Variants in ARHGAP28 observed in about 807,000 individuals in gnomAD.
ARHGAP28 encodes rho GTPase-activating protein 28.
ARHGAP28 carries 56 observed loss-of-function variants against 90.7 expected under a neutral mutation model. The ratio of observed to expected loss-of-function variants is 0.62; its 90% confidence interval spans 0.50 to 0.77. The LOEUF is 0.77. Among genes scored for constraint, ARHGAP28 ranks in the 30% least tolerant of loss-of-function variants. The pLI, the probability that ARHGAP28 is intolerant of heterozygous loss-of-function variation, is 0.00. For missense variants in ARHGAP28, 869 were observed against 900.9 expected, an observed-to-expected ratio of 0.96 and a Z score of 0.45; for synonymous variants, 308 against 323.3, an observed-to-expected ratio of 0.95 and a Z score of 0.51.
rs2055861263 is a variant in ARHGAP28 at position 6,729,930 on chromosome 18, C to CACCCGCTCAGCAGGT, written c.115_122+7dup. 1 of 1,391,116 alleles carries CACCCGCTCAGCAGGT rather than the reference C, an allele frequency of 7.2e-7. No individual in the cohort carries two copies. The highest frequency in any genetic ancestry group is 1.6e-5 in the South Asian group (1 of 62,040). The allele number at this position is 1,391,116 out of a possible 1,614,324, so 86.2% of individuals were successfully genotyped here. A position where few individuals can be genotyped will look rare whatever the true frequency, so the allele number is the denominator to read the frequency against. Reference sequence around the variant, plus strand: ...CTGCGCGCCCCGCGCCGCAGCCAGCCACCCGCTCAGCAGGTACCCGGAGCC... The same window carrying CACCCGCTCAGCAGGT: ...CTGCGCGCCCCGCGCCGCAGCCAGCCACCCGCTCAGCAGGTACCCGCTCAGCAGGTACCCGGAGCC... On this transcript the variant is annotated inframe_insertion, in exon 1 of 18. Transcript: ENST00000383472.
At chr18:6,851,812 A>C (rs961174063) in intron 4 of ARHGAP28, among the ~76,000 whole-genome samples, 2 of 152,168 alleles carry the variant, frequency 1.3e-5, no homozygotes, top group African/African-American at 4.8e-5. Flanking sequence ...TATTTGATTC[A>C]CACAAAATGA....
intron 16 of ARHGAP28, among the ~76,000 whole-genome samples, chr18:6,902,427 G>A (rs538700446): frequency 1.3e-5 from 2 of 152,080 alleles, no homozygotes; most frequent in East Asian, 3.9e-4. Flanking sequence ...TTGTTTCTAG[G>A]ATCCTACCAG....
intron 10 of ARHGAP28, among the ~76,000 whole-genome samples, chr18:6,880,465 T>G (rs2057168575): frequency 6.6e-6 from 1 of 152,212 alleles, no homozygotes; most frequent in African/African-American, 2.4e-5. Flanking sequence ...CAAATCATTT[T>G]TCCATCTGGC....
At chr18:6,797,718 A>G (rs1447556819) in intron 1 of ARHGAP28, among the ~76,000 whole-genome samples, 1 of 151,950 alleles carries the variant, frequency 6.6e-6, no homozygotes, top group African/African-American at 2.4e-5. Context: ...CTGGAGTGCA[A>G]CAACGCGATC....
chr18:6,887,422 G>A (rs2057230707), intron 12 of ARHGAP28, among the ~76,000 whole-genome samples, 183 bp downstream of exon 12: 1 of 133,656 alleles, frequency 7.5e-6, no homozygotes, highest in South Asian at 2.4e-4. Flanking sequence ...TGGAGATCTT[G>A]GTATCTTGTT....
intron 4 of ARHGAP28, among the ~76,000 whole-genome samples, chr18:6,853,282 G>A (rs2056924623): frequency 6.6e-6 from 1 of 152,134 alleles, no homozygotes; most frequent in Non-Finnish European, 1.5e-5. Context: ...AGAGGGGGTT[G>A]GACATGCCTC....
chr18:6,750,396 T>A (rs574652068), intron 1 of ARHGAP28, among the ~76,000 whole-genome samples: 1 of 152,338 alleles, frequency 6.6e-6, no homozygotes, highest in Admixed American at 6.5e-5. Context: ...CTCTGTTCCC[T>A]TTCTATACAT....
At chr18:6,868,441 G>A (rs1007355520) in intron 6 of ARHGAP28, among the ~76,000 whole-genome samples, 6 of 152,140 alleles carry the variant, frequency 3.9e-5, no homozygotes, top group African/African-American at 1.4e-4. Context: ...GAGCCAGATT[G>A]GAAGCAGAAT....
At chr18:6,908,294 C>G (rs370253675) in intron 16 of ARHGAP28, among the ~76,000 whole-genome samples, 4 of 152,130 alleles carry the variant, frequency 2.6e-5, no homozygotes, top group African/African-American at 7.2e-5. Flanking sequence ...CATGCCACCA[C>G]GCCCGGCTGA....
chr18:6,824,789 T>A lies in ARHGAP28; in HGVS notation c.150T>A (p.Ile50=). The A allele has an allele frequency of 6.5e-7, 1 of 1,535,984 alleles. No homozygotes were observed. The highest frequency in any genetic ancestry group is 8.7e-7 in the Non-Finnish European group (1 of 1,146,804). Residue 50 remains isoleucine, a synonymous_variant, in exon 2 of 18, where the codon ATT becomes ATA. Transcript: ENST00000383472. ...AATCCATTCCTCGCTGCCGAAGAAT[T>A]AACAGGATGCTCTCCAATGAATCCC... ...SRKSIPRCRR[I]NRMLSNESLH... is the part of the protein sequence containing the mutation.
chr18:6,747,730 G>T (rs1452871639), intron 1 of ARHGAP28, among the ~76,000 whole-genome samples: 2 of 152,168 alleles, frequency 1.3e-5, no homozygotes, highest in African/African-American at 4.8e-5. Context: ...ATTGGAAGTA[G>T]CTGATTTAAT....
At chr18:6,809,995 G>T (rs939989694) in intron 1 of ARHGAP28, among the ~76,000 whole-genome samples, 1 of 152,020 alleles carries the variant, frequency 6.6e-6, no homozygotes, top group African/African-American at 2.4e-5. Flanking sequence ...TCTTCTCTTT[G>T]CATGTGTTTC....
rs1017784709 is a variant in ARHGAP28 at position 6,842,111 on chromosome 18, G to A, written c.543+4697G>A. ...CACCTGTAATCCCAGCACTTTGGGA[G>A]GTCAAGGCAAGAGGATGGCTTGAAC... On this transcript the variant is annotated intron_variant, in intron 3 of 17. Coordinates refer to ENST00000383472, the MANE Select transcript of ARHGAP28 (RefSeq NM_001366230.1). Among the ~76,000 whole-genome samples the A allele has an allele frequency of 5.3e-5, 8 of 152,266 alleles. 1 individual carries two copies. The highest frequency in any genetic ancestry group is 2.0e-4 in the Admixed American group (3 of 15,296).
intron 11 of ARHGAP28, among the ~76,000 whole-genome samples, chr18:6,886,452 A>G (rs888589238): frequency 6.6e-6 from 1 of 152,192 alleles, no homozygotes; most frequent in African/African-American, 2.4e-5. Flanking sequence ...TTACTGAGGA[A>G]GAAAATACTC....
intron 1 of ARHGAP28, among the ~76,000 whole-genome samples, chr18:6,771,280 T>G (rs1179205634): frequency 6.6e-6 from 1 of 152,048 alleles, no homozygotes; most frequent in Non-Finnish European, 1.5e-5. Context: ...TTGAGTTCAA[T>G]TAAATCCCCC....
At position 6,870,596 on chromosome 18, in the gene ARHGAP28, A is replaced by AT; in HGVS notation, c.822dup (p.Leu275SerfsTer10). 1.2e-6 allele frequency: 2 copies of AT among 1,610,176 alleles called. No individual in the cohort carries two copies. Among genetic ancestry groups the AT allele is most frequent in the Non-Finnish European group, 1.7e-6 (2 of 1,177,850 alleles). Reference sequence around the variant, plus strand: ...TTCTTTGTTTTGTCTTTAGATGATGATTTTCTGGAAAAGAACATTCCACCA... The same window carrying AT: ...TTCTTTGTTTTGTCTTTAGATGATGATTTTTCTGGAAAAGAACATTCCACCA... On this transcript the variant is annotated frameshift_variant, in exon 7 of 18. Transcript: ENST00000383472. LOFTEE classifies it high-confidence loss of function.
At chr18:6,761,553 A>G (rs915156565) in intron 1 of ARHGAP28, among the ~76,000 whole-genome samples, 3 of 152,170 alleles carry the variant, frequency 2.0e-5, no homozygotes, top group African/African-American at 7.2e-5. Context: ...CCTAGGCCCT[A>G]GGCTTGGACC....
intron 2 of ARHGAP28, among the ~76,000 whole-genome samples, chr18:6,826,683 C>CTTTTTTTTTTTTTTTTTTTTT (rs36069648): frequency 6.8e-5 from 6 of 88,262 alleles, no homozygotes; most frequent in Non-Finnish European, 8.1e-5. Context: ...GGATTTTGAG[C>CTTTTTTTTTTTTTTTTTTTTT]TTTTTTTTTT....
intron 16 of ARHGAP28, among the ~76,000 whole-genome samples, chr18:6,903,753 C>A (rs560231986): frequency 4.7e-4 from 64 of 135,966 alleles, no homozygotes; most frequent in Admixed American, 1.8e-3. Context: ...TGCTTGAACC[C>A]GGGAGGCGGA....
Sources: gnomAD v4.1 joint callset for allele counts (sites outside exome capture counted in the v4.1 genomes callset) on GRCh38, gnomAD v4.1.1 for gene constraint, MANE v1.5 for transcripts, NCBI Gene and HGNC (gene_info 2026-07-23, HGNC 2026-07-21) for gene names.